Variants in RAB38 observed in about 807,000 individuals in gnomAD.
RAB38 encodes the protein RAB38, member RAS oncogene family, also known as ras-related protein Rab-38.
A neutral mutation model predicts 18.4 loss-of-function variants in RAB38; 15 were observed. That is an observed-to-expected ratio of 0.82 (90% CI 0.55 to 1.26). The LOEUF (loss-of-function observed/expected upper bound fraction) is 1.26. RAB38 is among the 50% of genes most tolerant of loss of function. The pLI is 0.00. For synonymous variants in RAB38, 101 were observed against 104.4 expected, an observed-to-expected ratio of 0.97 and a Z score of 0.20; for missense variants, 294 against 267.4, an observed-to-expected ratio of 1.10 and a Z score of -0.69.
the RAB38 span, among the ~76,000 whole-genome samples, chr11:87,861,760 A>T: frequency 2.0e-5 from 3 of 151,866 alleles, no homozygotes; most frequent in African/African-American, 7.2e-5. Context: ...ATGGGAAATC[A>T]TTAGACACCC....
chr11:88,064,481 C>T, the RAB38 span, among the ~76,000 whole-genome samples: 1 of 152,284 alleles, frequency 6.6e-6, no homozygotes, highest in East Asian at 1.9e-4. Flanking sequence ...AAGTATGATA[C>T]TCTGAGATGA....
At chr11:88,077,363 C>T in the RAB38 span, among the ~76,000 whole-genome samples, 1 of 151,560 alleles carries the variant, frequency 6.6e-6, no homozygotes, top group East Asian at 1.9e-4. Flanking sequence ...TTAAAAAAAA[C>T]AACAAAGCTG....
At chr11:87,952,274 T>TTATGGAACTCATTTAAAG in the RAB38 span, among the ~76,000 whole-genome samples, 1 of 152,166 alleles carries the variant, frequency 6.6e-6, no homozygotes, top group African/African-American at 2.4e-5. Flanking sequence ...TCCTGGGAAT[T>TTATGGAACTCATTTAAAG]TATGGAACTC....
the RAB38 span, among the ~76,000 whole-genome samples, chr11:87,838,170 A>C: frequency 6.6e-6 from 1 of 151,348 alleles, no homozygotes; most frequent in African/African-American, 2.4e-5. Context: ...GTTGGAGTGC[A>C]GTGGCATGAT....
the RAB38 span, among the ~76,000 whole-genome samples, chr11:88,071,708 C>G: frequency 3.9e-5 from 6 of 152,110 alleles, no homozygotes; most frequent in Non-Finnish European, 7.4e-5. Flanking sequence ...TAAACAATAG[C>G]AATTGATTGG....
the RAB38 span, among the ~76,000 whole-genome samples, chr11:87,954,211 G>T: frequency 2.0e-5 from 3 of 152,198 alleles, no homozygotes; most frequent in African/African-American, 7.2e-5. Context: ...CCCTTCCTTT[G>T]ATTGTCCTTC....
chr11:87,865,005 A>T, the RAB38 span, among the ~76,000 whole-genome samples: 3 of 151,736 alleles, frequency 2.0e-5, no homozygotes, highest in African/African-American at 7.2e-5. Flanking sequence ...ACGCTTTGCG[A>T]TTTGTTTGAC....
the RAB38 span, among the ~76,000 whole-genome samples, chr11:88,078,801 G>A: frequency 4.6e-5 from 7 of 151,770 alleles, no homozygotes; most frequent in Non-Finnish European, 7.4e-5. Flanking sequence ...ATAAGACTTC[G>A]TGTTTGATAT....
the RAB38 span, chr11:87,879,973 G>T: frequency 6.6e-6 from 1 of 151,584 alleles, no homozygotes; most frequent in African/African-American, 2.4e-5. Flanking sequence ...TGGTTCATTT[G>T]TCCTCCTGTC....
At chr11:88,090,181 G>A in the RAB38 span, among the ~76,000 whole-genome samples, 41 of 151,906 alleles carry the variant, frequency 2.7e-4, no homozygotes, top group African/African-American at 9.2e-4. Context: ...GTAAAATAGC[G>A]TTATAATTAA....
At chr11:87,850,071 C>T in the RAB38 span, among the ~76,000 whole-genome samples, 33 of 152,196 alleles carry the variant, frequency 2.2e-4, no homozygotes, top group African/African-American at 7.5e-4. Context: ...CTCTCTCACA[C>T]GTGTCCACAT....
chr11:88,048,228 A>G, the RAB38 span, among the ~76,000 whole-genome samples: 2 of 152,168 alleles, frequency 1.3e-5, no homozygotes, highest in African/African-American at 2.4e-5. Flanking sequence ...TTCACTGGAT[A>G]GGTAGAGGCC....
the RAB38 span, among the ~76,000 whole-genome samples, chr11:87,814,521 G>A: frequency 2.0e-5 from 3 of 152,160 alleles, no homozygotes; most frequent in South Asian, 6.2e-4. Flanking sequence ...ATGTATAAGT[G>A]CTAGTTGGTT....
chr11:88,076,984 G>GAAAGA, the RAB38 span, among the ~76,000 whole-genome samples: 5,847 of 63,200 alleles, frequency 0.093, 486 homozygotes, highest in East Asian at 0.2. Flanking sequence ...AAGAAAGAAA[G>GAAAGA]AAAGAAAAGA....
At chr11:87,816,336 T>C in the RAB38 span, 1 of 152,620 alleles carries the variant, frequency 6.6e-6, no homozygotes, top group African/African-American at 2.4e-5. Flanking sequence ...CTGTGGGTTG[T>C]GGTATTGTGT....
intron 2 of RAB38, 55 bp downstream of exon 2, chr11:88,149,620 C>T: frequency 6.5e-7 from 1 of 1,528,700 alleles, no homozygotes; most frequent in Non-Finnish European, 8.9e-7. Flanking sequence ...TGATTATGTG[C>T]CATTTTCTTT....
chr11:88,088,268 T>C, the RAB38 span, among the ~76,000 whole-genome samples: 2 of 152,010 alleles, frequency 1.3e-5, no homozygotes, highest in African/African-American at 4.8e-5. Context: ...TATTTAACTA[T>C]GTATTTGTAA....
At chr11:88,032,454 T>C in the RAB38 span, among the ~76,000 whole-genome samples, 1 of 151,914 alleles carries the variant, frequency 6.6e-6, no homozygotes, top group African/African-American at 2.4e-5. Context: ...ACCTACAAAA[T>C]GGGAGAAAAT....
chr11:88,031,179 C>G, the RAB38 span, among the ~76,000 whole-genome samples: 1 of 152,120 alleles, frequency 6.6e-6, no homozygotes, highest in African/African-American at 2.4e-5. Context: ...AATTCAAAAA[C>G]GCTTCATGCT....
Sources: allele counts gnomAD v4.1 joint callset (sites outside exome capture counted in the v4.1 genomes callset), GRCh38; gene constraint gnomAD v4.1.1; transcripts MANE v1.5; gene names NCBI Gene and HGNC (gene_info 2026-07-23, HGNC 2026-07-21).